Variants in MBOAT4 observed in about 807,000 individuals in gnomAD.
MBOAT4 encodes the protein membrane bound ghrelin O-acyltransferase MBOAT4.
A neutral mutation model predicts 13.2 loss-of-function variants in MBOAT4; 11 were observed. That is an observed-to-expected ratio of 0.84 (90% CI 0.53 to 1.38). The LOEUF is 1.38. Ranked by LOEUF, MBOAT4 falls within the 40% of genes most tolerant of loss-of-function variation. The pLI, the probability that MBOAT4 is intolerant of heterozygous loss-of-function variation, is 0.00. For synonymous variants in MBOAT4, 202 were observed against 210.3 expected (o/e 0.96, Z 0.34); for missense variants, 481 against 527.2 (o/e 0.91, Z 0.86).
At chr8:30,135,148 T>C (rs1445268743) in intron 2 of MBOAT4, among the ~76,000 whole-genome samples, 1 of 150,456 alleles carries the variant, frequency 6.6e-6, no homozygotes, top group African/African-American at 2.4e-5. Flanking sequence ...CACCTCAGCC[T>C]CCCAAAGGGC....
chr8:30,137,426 G>A (rs1585486144), intron 2 of MBOAT4: 1 of 1,551,708 alleles, frequency 6.4e-7, no homozygotes, highest in South Asian at 1.2e-5. Context: ...CTGGCAGACA[G>A]TGCTGAGTCA....
At chr8:30,138,504 G>A (rs1196689707) in intron 2 of MBOAT4, 28 bp downstream of exon 2, 3 of 1,524,418 alleles carry the variant, frequency 2.0e-6, no homozygotes, top group Admixed American at 3.9e-5. Flanking sequence ...TAGGTGGGCT[G>A]AGCATGACCA....
chr8:30,138,742 A>C lies in MBOAT4; in HGVS notation c.134T>G (p.Leu45Arg). ...CACGGCCAGGGCACCTCCTCCAGTC[A>C]GGAGAAAGAGGTACCTGAAAGAGAA... Reference protein sequence around the residue: ...FSTRARYLFLLTGGGALAVAA... With the variant: ...FSTRARYLFLRTGGGALAVAA... The change falls in exon 2 of 3, where the codon CTG becomes CGG. Residue 45 changes from leucine to arginine, a missense_variant. Coordinates refer to ENST00000320542, the MANE Select transcript of MBOAT4 (RefSeq NM_001100916.2). 10 of 1,549,608 alleles carry C rather than the reference A, an allele frequency of 6.5e-6. No individual in the cohort carries two copies. The highest frequency in any genetic ancestry group is 8.7e-6 in the Non-Finnish European group (10 of 1,146,820).
At chr8:30,133,708 G>A (rs1335445060) in intron 2 of MBOAT4, among the ~76,000 whole-genome samples, 4 of 149,486 alleles carry the variant, frequency 2.7e-5, no homozygotes, top group Non-Finnish European at 5.9e-5. Flanking sequence ...TGGAACCCTT[G>A]AGCCCAGGAG....
Position 30,132,005 on chromosome 8 carries a change from A to G in MBOAT4, c.1246T>C (p.Phe416Leu), listed in dbSNP as rs145290130. The change falls in exon 3 of 3, where the codon TTT (phenylalanine) becomes CTT (leucine). Residue 416 changes from phenylalanine (F) to leucine (L), a missense_variant. Phe to Leu is a conservative substitution (Grantham distance 22). Transcript: ENST00000320542. ...AGCAGAATACAGTACACCATGGGAA[A>G]GACACTGTTGTACGAATTACAGAGC... ...WLLCNSYNSV[F>L]PMVYCILLLL... The G allele has an allele frequency of 6.4e-7, 1 of 1,552,114 alleles. No homozygotes were observed. The highest frequency in any genetic ancestry group is 8.7e-7 in the Non-Finnish European group (1 of 1,147,086).
At chr8:30,138,471 A>G in intron 2 of MBOAT4, 61 bp downstream of exon 2, 1 of 1,336,528 alleles carries the variant, frequency 7.5e-7, no homozygotes, top group Non-Finnish European at 1.0e-6. Context: ...TCTCTCTGCT[A>G]CCACCGTGGT....
At chr8:30,140,810 C>G (rs1407266098) in intron 1 of MBOAT4, among the ~76,000 whole-genome samples, 1 of 152,038 alleles carries the variant, frequency 6.6e-6, no homozygotes, top group Non-Finnish European at 1.5e-5. Flanking sequence ...TGATAGTGGC[C>G]AATTTTCAGG....
intron 2 of MBOAT4, chr8:30,137,510 T>G (rs1280555788): frequency 1.3e-6 from 2 of 1,540,288 alleles, no homozygotes. Context: ...TGACAACTAC[T>G]GCTCAGTGCC....
chr8:30,139,309 C>T (rs1460413804), intron 1 of MBOAT4, among the ~76,000 whole-genome samples: 1 of 151,520 alleles, frequency 6.6e-6, no homozygotes, highest in African/African-American at 2.4e-5. Context: ...TGATGCCCTC[C>T]ATTCAAGCGA....
chr8:30,139,570 C>T (rs1404997838), intron 1 of MBOAT4, among the ~76,000 whole-genome samples: 1 of 152,184 alleles, frequency 6.6e-6, no homozygotes, highest in African/African-American at 2.4e-5. Context: ...AAAGTGAAAA[C>T]TCAGAAAAAT....
At chr8:30,140,700 G>A (rs780806144) in intron 1 of MBOAT4, among the ~76,000 whole-genome samples, 1 of 152,170 alleles carries the variant, frequency 6.6e-6, no homozygotes, top group Middle Eastern at 3.4e-3. Context: ...TCTTATTACT[G>A]TTGCCTTCCC....
At chr8:30,138,867 A>G (rs1345533836) in intron 1 of MBOAT4, 111 bp from the exon 2 acceptor site, 2 of 737,710 alleles carry the variant, frequency 2.7e-6, no homozygotes, top group African/African-American at 3.5e-5. Flanking sequence ...ACAACACCTA[A>G]AGTAGCCATG....
chr8:30,135,248 A>G (rs1803116147), intron 2 of MBOAT4, among the ~76,000 whole-genome samples: 1 of 152,178 alleles, frequency 6.6e-6, no homozygotes, highest in Non-Finnish European at 1.5e-5. Context: ...GACATCAGGC[A>G]GGATCATGTA....
chr8:30,132,962 T>C (rs1174842930), intron 2 of MBOAT4, 56 bp from the exon 3 acceptor site: 1 of 1,434,020 alleles, frequency 7.0e-7, no homozygotes, highest in African/African-American at 1.4e-5. Context: ...TCTCTCTCTC[T>C]TATTCCAGTC....
At chr8:30,139,499 C>T (rs1300942116) in intron 1 of MBOAT4, among the ~76,000 whole-genome samples, 1 of 152,108 alleles carries the variant, frequency 6.6e-6, no homozygotes, top group East Asian at 1.9e-4. Context: ...TTCACAGGGT[C>T]GTGCTACCCG....
intron 1 of MBOAT4, among the ~76,000 whole-genome samples, chr8:30,142,434 C>T (rs1219905852): frequency 6.6e-6 from 1 of 152,190 alleles, no homozygotes; most frequent in African/African-American, 2.4e-5. Context: ...CGACTTACTA[C>T]AACCTCAACC....
chr8:30,132,816 T>A lies in MBOAT4; in HGVS notation c.435A>T (p.Ala145=). ...LDICEGKVKA[A]SGGFRSRSSL... is the part of the protein sequence containing the mutation. ...AGCTCCTGCTCCTGAAGCCTCCAGA[T>A]GCTGCCTTCACTTTCCCCTCACAAA... Residue 145 remains alanine (A), a synonymous_variant, in exon 3 of 3, where the codon GCA becomes GCT. Coordinates refer to ENST00000320542, the MANE Select transcript of MBOAT4 (RefSeq NM_001100916.2). 1 of 1,551,774 alleles carries A rather than the reference T, an allele frequency of 6.4e-7. No individual in the cohort carries two copies. The highest frequency in any genetic ancestry group is 8.7e-7 in the Non-Finnish European group (1 of 1,147,012).
intron 2 of MBOAT4, chr8:30,138,061 C>T (rs1255655998): frequency 1.2e-5 from 2 of 172,462 alleles, no homozygotes; most frequent in African/African-American, 4.8e-5. Context: ...GTTCTGACTC[C>T]CTATGATTTC....
chr8:30,134,786 G>A (rs918265097), intron 2 of MBOAT4, among the ~76,000 whole-genome samples: 1 of 152,180 alleles, frequency 6.6e-6, no homozygotes, highest in Non-Finnish European at 1.5e-5. Flanking sequence ...CATCTCAGGA[G>A]ATCTGCCCGC....
Sources: gnomAD v4.1 joint callset for allele counts (sites outside exome capture counted in the v4.1 genomes callset) on GRCh38, gnomAD v4.1.1 for gene constraint, MANE v1.5 for transcripts, NCBI Gene and HGNC (gene_info 2026-07-23, HGNC 2026-07-21) for gene names.